CSMD3: variants seen among roughly 807,000 people sequenced by gnomAD.
CSMD3 encodes the protein CUB and Sushi multiple domains 3.
CSMD3 carries 177 observed loss-of-function variants against 435.2 expected under a neutral mutation model. That is an observed-to-expected ratio of 0.41 (90% CI 0.36 to 0.46). The LOEUF is 0.46. CSMD3 is among the 20% of genes least tolerant of loss of function. The probability of loss-of-function intolerance (pLI) is 0.34; values close to 1 mark genes in which losing one functional copy is unlikely to be tolerated. For synonymous variants in CSMD3, 1,656 were observed against 1,520.5 expected, an observed-to-expected ratio of 1.09 and a Z score of -2.07; for missense variants, 4,265 against 4,504.6, an observed-to-expected ratio of 0.95 and a Z score of 1.52.
chr8:113,410,775 T>C (rs755498334), intron 1 of CSMD3, among the ~76,000 whole-genome samples: 1 of 151,164 alleles, frequency 6.6e-6, no homozygotes, highest in Admixed American at 6.6e-5. Context: ...CAGGCTGGCA[T>C]GTGCCTGTAG....
chr8:112,785,369 T>C (rs568761373), intron 13 of CSMD3, among the ~76,000 whole-genome samples: 1 of 152,102 alleles, frequency 6.6e-6, no homozygotes, highest in East Asian at 1.9e-4. Context: ...ATACCCACTT[T>C]CACCACTATT....
At chr8:112,585,212 T>A (rs909747948) in intron 23 of CSMD3, among the ~76,000 whole-genome samples, 1 of 151,614 alleles carries the variant, frequency 6.6e-6, no homozygotes, top group African/African-American at 2.4e-5. Flanking sequence ...CAGGCAAGCC[T>A]ATGAATAGAA....
intron 3 of CSMD3, among the ~76,000 whole-genome samples, chr8:113,213,238 A>T (rs2092860342): frequency 6.6e-6 from 1 of 152,070 alleles, no homozygotes; most frequent in Non-Finnish European, 1.5e-5. Context: ...ACAAATATCA[A>T]CTGTTCTCAA....
In CSMD3 at chr8:113,032,840, T is replaced by C. The variant is rs530194789; in HGVS notation, c.918-13661A>G. Reference sequence around the variant, plus strand: ...GGCCTAGGAGGAAAAAATGGCTTCCTGGGCTGCACTCAGGGCCCCATTGGT... The same window carrying C: ...GGCCTAGGAGGAAAAAATGGCTTCCCGGGCTGCACTCAGGGCCCCATTGGT... On this transcript the variant is annotated intron_variant, in intron 5 of 70. Coordinates refer to ENST00000297405, the MANE Select transcript of CSMD3 (RefSeq NM_198123.2). Among the ~76,000 whole-genome samples, 141 of 151,584 alleles carry C rather than the reference T, an allele frequency of 9.3e-4. 6 individuals are homozygous for C. Among genetic ancestry groups the C allele is most frequent in the Non-Finnish European group, 1.2e-4 (8 of 67,774 alleles).
intron 16 of CSMD3, among the ~76,000 whole-genome samples, chr8:112,667,144 G>A (rs576065427): frequency 4.6e-5 from 7 of 152,140 alleles, no homozygotes; most frequent in African/African-American, 1.4e-4. Flanking sequence ...TAGTGTAAAC[G>A]CCTCATTTTG....
At chr8:112,522,856 G>T (rs1824443903) in intron 27 of CSMD3, among the ~76,000 whole-genome samples, 1 of 151,806 alleles carries the variant, frequency 6.6e-6, no homozygotes, top group African/African-American at 2.4e-5. Context: ...CTAGTTGGGA[G>T]TATAATTTCA....
intron 1 of CSMD3, among the ~76,000 whole-genome samples, chr8:113,423,721 T>G (rs1348542491): frequency 1.3e-5 from 2 of 151,822 alleles, no homozygotes; most frequent in Non-Finnish European, 3.0e-5. Flanking sequence ...TTTAAATAGG[T>G]CGTCTTTATG....
Position 112,905,316 on chromosome 8 carries a change from A to ATG in CSMD3, c.1633+16310_1633+16311insCA, listed in dbSNP as rs1554714948. On this transcript the variant is annotated intron_variant, in intron 10 of 70. Transcript: ENST00000297405. The stretch of plus-strand genomic sequence containing the variant: ...AAACATATACTATGTGTATATATAT[A>ATG]TATATACACACACACACACACACAT... Among the ~76,000 whole-genome samples, 57 of 59,938 alleles carry ATG rather than the reference A, an allele frequency of 9.5e-4. 1 individual carries two copies. The highest frequency in any genetic ancestry group is 4.1e-3 in the African/African-American group (49 of 11,946). The allele number at this position is 59,938 out of a possible 152,430, so 39.3% of individuals were successfully genotyped here. A position where few individuals can be genotyped will look rare whatever the true frequency, so the allele number is the denominator to read the frequency against.
At chr8:113,183,641 A>T (rs1339387095) in intron 3 of CSMD3, among the ~76,000 whole-genome samples, 1 of 151,904 alleles carries the variant, frequency 6.6e-6, no homozygotes, top group East Asian at 2.0e-4. Context: ...AAGTCCCCAG[A>T]ATTTAGACTC....
At position 112,279,177 on chromosome 8, in the gene CSMD3, G is replaced by T. The variant is rs73341014; in HGVS notation, c.9508+1997C>A. Among the ~76,000 whole-genome samples, 274 of 152,226 alleles carry T rather than the reference G, an allele frequency of 1.8e-3. 2 individuals are homozygous for T. The highest frequency in any genetic ancestry group is 6.1e-3 in the African/African-American group (253 of 41,546). On this transcript the variant is annotated intron_variant, in intron 59 of 70. Coordinates refer to ENST00000297405, the MANE Select transcript of CSMD3 (RefSeq NM_198123.2). Reference sequence around the variant, plus strand: ...ACAGAAAGATAAAATAACAGAATTGGATTTCACATCTCCACAATATGGGTT... The same window carrying T: ...ACAGAAAGATAAAATAACAGAATTGTATTTCACATCTCCACAATATGGGTT...
chr8:113,104,666 A>G (rs2090424906), intron 4 of CSMD3, among the ~76,000 whole-genome samples: 1 of 152,108 alleles, frequency 6.6e-6, no homozygotes, highest in Non-Finnish European at 1.5e-5. Context: ...AAGAAAACAA[A>G]AGTGCATTTT....
At chr8:112,425,260 G>T (rs144975569) in intron 32 of CSMD3, among the ~76,000 whole-genome samples, 1 of 152,264 alleles carries the variant, frequency 6.6e-6, no homozygotes, top group East Asian at 1.9e-4. Flanking sequence ...TGTTTTGAAA[G>T]ATATCTAGAA....
chr8:113,322,097 G>A (rs1403192607), intron 1 of CSMD3, among the ~76,000 whole-genome samples: 1 of 152,008 alleles, frequency 6.6e-6, no homozygotes, highest in Non-Finnish European at 1.5e-5. Context: ...TTACCAGTAG[G>A]TATATCCAAA....
chr8:113,084,291 G>A (rs1234645092), intron 5 of CSMD3, among the ~76,000 whole-genome samples: 1 of 151,888 alleles, frequency 6.6e-6, no homozygotes, highest in African/African-American at 2.4e-5. Context: ...AAAATCAGCA[G>A]TATTTCTATT....
At chr8:112,592,250 T>C (rs1444892197) in intron 22 of CSMD3, among the ~76,000 whole-genome samples, 2 of 152,044 alleles carry the variant, frequency 1.3e-5, no homozygotes, top group Non-Finnish European at 2.9e-5. Flanking sequence ...GAAAGATACA[T>C]TAATTTCCTT....
intron 13 of CSMD3, among the ~76,000 whole-genome samples, chr8:112,734,094 A>G (rs914753631): frequency 1.3e-5 from 2 of 151,986 alleles, no homozygotes; most frequent in African/African-American, 2.4e-5. Context: ...CAAATGCAAT[A>G]AAAGCTAGAC....
chr8:112,816,350 G>A (rs780357586), intron 12 of CSMD3, among the ~76,000 whole-genome samples: 6 of 152,020 alleles, frequency 3.9e-5, no homozygotes, highest in Admixed American at 1.3e-4. Context: ...TAGAGAAAAC[G>A]GCAGTAAGAA....
At chr8:112,852,144 C>T in intron 11 of CSMD3, among the ~76,000 whole-genome samples, 1 of 152,078 alleles carries the variant, frequency 6.6e-6, no homozygotes, top group East Asian at 1.9e-4. Context: ...AAGGGAAGAT[C>T]CCAACCTAAC....
At chr8:112,561,870 C>A (rs1161816970) in intron 24 of CSMD3, among the ~76,000 whole-genome samples, 1 of 151,486 alleles carries the variant, frequency 6.6e-6, no homozygotes, top group African/African-American at 2.4e-5. Context: ...TAATTATATA[C>A]CCAGGCATGC....
Sources: allele counts gnomAD v4.1 joint callset (sites outside exome capture counted in the v4.1 genomes callset), GRCh38; gene constraint gnomAD v4.1.1; transcripts MANE v1.5; gene names NCBI Gene and HGNC (gene_info 2026-07-23, HGNC 2026-07-21).